TENM3: variants seen among roughly 807,000 people sequenced by gnomAD.
The protein encoded by TENM3 is teneurin transmembrane protein 3.
Under a neutral mutation model 255.1 loss-of-function variants are expected in TENM3, and 63 were observed. The observed-to-expected ratio is 0.25, with a 90% CI of 0.20 to 0.30. TENM3 has a LOEUF of 0.30. Ranked by LOEUF, TENM3 falls within the 10% of genes least tolerant of loss-of-function variation. The pLI is 1.00. For missense variants in TENM3, 2,929 were observed against 3,461.1 expected, an observed-to-expected ratio of 0.85 and a Z score of 3.86; for synonymous variants, 1,306 against 1,322.3, an observed-to-expected ratio of 0.99 and a Z score of 0.27.
chr4:182,380,812 C>T (rs149007306), intron 3 of TENM3, among the ~76,000 whole-genome samples: 516 of 152,302 alleles, frequency 3.4e-3, no homozygotes, highest in Middle Eastern at 0.017. Context: ...TTACCAGTGA[C>T]GCAACCAAGG....
intron 12 of TENM3, chr4:182,707,828 C>T (rs929530641): frequency 2.0e-5 from 3 of 152,102 alleles, no homozygotes; most frequent in Admixed American, 2.0e-4. Context: ...CAAGAATTAG[C>T]CTTGGCATTT....
chr4:181,652,142 T>TAAA, the TENM3 span, among the ~76,000 whole-genome samples: 20,907 of 114,196 alleles, frequency 0.18, 1,858 homozygotes, highest in East Asian at 0.29. Context: ...CACTTTGGGG[T>TAAA]AAAAAAAAAA....
At chr4:181,751,245 G>A in the TENM3 span, among the ~76,000 whole-genome samples, 2 of 152,042 alleles carry the variant, frequency 1.3e-5, no homozygotes, top group African/African-American at 4.8e-5. Context: ...TTTAGGGACT[G>A]GAAAATGGAG....
chr4:182,013,264 T>C, the TENM3 span, among the ~76,000 whole-genome samples: 1 of 152,206 alleles, frequency 6.6e-6, no homozygotes, highest in South Asian at 2.1e-4. Flanking sequence ...TGTGTAAGGA[T>C]TAAATTTATG....
chr4:181,605,567 A>G, the TENM3 span, among the ~76,000 whole-genome samples: 36 of 31,860 alleles, frequency 1.1e-3, 2 homozygotes, highest in African/African-American at 2.1e-3. Flanking sequence ...AGAAAGAAAG[A>G]AAGAGAGAGA....
At chr4:182,033,832 G>A in the TENM3 span, among the ~76,000 whole-genome samples, 176 of 152,178 alleles carry the variant, frequency 1.2e-3, 1 homozygote, top group Middle Eastern at 0.014. Flanking sequence ...TTTAAAGTCC[G>A]TTTTGCCAAA....
At chr4:182,638,501 G>A (rs914787361) in intron 5 of TENM3, among the ~76,000 whole-genome samples, 3 of 152,088 alleles carry the variant, frequency 2.0e-5, no homozygotes, top group Non-Finnish European at 4.4e-5. Context: ...CCCCCATTGT[G>A]CATCTTCCCA....
chr4:181,895,012 C>T, the TENM3 span, among the ~76,000 whole-genome samples: 1 of 151,980 alleles, frequency 6.6e-6, no homozygotes, highest in African/African-American at 2.4e-5. Flanking sequence ...TTTAGAAAGT[C>T]AATCCGCCAT....
At chr4:182,334,753 T>C (rs957525175) in intron 2 of TENM3, among the ~76,000 whole-genome samples, 1 of 152,110 alleles carries the variant, frequency 6.6e-6, no homozygotes, top group Non-Finnish European at 1.5e-5. Flanking sequence ...TGGAAGAATA[T>C]AAAATTGGAC....
chr4:182,040,961 A>G, the TENM3 span, among the ~76,000 whole-genome samples: 3 of 152,212 alleles, frequency 2.0e-5, no homozygotes, highest in Non-Finnish European at 2.9e-5. Context: ...TGAGAAACTC[A>G]AGGCATTGAT....
intron 24 of TENM3, among the ~76,000 whole-genome samples, chr4:182,779,123 T>C (rs1764949956): frequency 6.6e-6 from 1 of 151,220 alleles, no homozygotes; most frequent in South Asian, 2.1e-4. Context: ...TAGTTACATA[T>C]GTATACATGT....
intron 5 of TENM3, among the ~76,000 whole-genome samples, chr4:182,630,936 C>G (rs1317493486): frequency 6.6e-6 from 1 of 152,000 alleles, no homozygotes; most frequent in Non-Finnish European, 1.5e-5. Flanking sequence ...ATTTTATTTT[C>G]ATGGTGTGAC....
chr4:181,977,053 G>A, the TENM3 span, among the ~76,000 whole-genome samples: 89 of 152,222 alleles, frequency 5.8e-4, no homozygotes, highest in African/African-American at 2.1e-3. Flanking sequence ...CTCGAGCTAA[G>A]AGACAGCGTG....
At chr4:182,410,117 G>A (rs749251620) in intron 3 of TENM3, among the ~76,000 whole-genome samples, 1 of 152,198 alleles carries the variant, frequency 6.6e-6, no homozygotes, top group Non-Finnish European at 1.5e-5. Context: ...ATGGGCCACT[G>A]CACTCAGCCC....
chr4:182,659,734 C>A (rs749063778), intron 6 of TENM3, among the ~76,000 whole-genome samples: 2 of 152,178 alleles, frequency 1.3e-5, no homozygotes, highest in African/African-American at 2.4e-5. Context: ...TCTTGCTCAT[C>A]CACTCTTCAC....
chr4:181,649,943 G>A, the TENM3 span, among the ~76,000 whole-genome samples: 2 of 152,176 alleles, frequency 1.3e-5, no homozygotes, highest in Non-Finnish European at 2.9e-5. Context: ...AGCTGAAATT[G>A]ATGGAGTTCT....
chr4:182,563,404 A>C (rs1743424473), intron 3 of TENM3, among the ~76,000 whole-genome samples: 1 of 152,180 alleles, frequency 6.6e-6, no homozygotes, highest in Non-Finnish European at 1.5e-5. Flanking sequence ...ACGGCACTCC[A>C]GCCTGGGTGA....
At chr4:182,223,431 A>T (rs1755960412) in intron 1 of TENM3, among the ~76,000 whole-genome samples, 1 of 152,172 alleles carries the variant, frequency 6.6e-6, no homozygotes, top group Non-Finnish European at 1.5e-5. Context: ...GCTAAAAGTG[A>T]CAAGAACCAT....
chr4:182,067,674 ACT>A, the TENM3 span, among the ~76,000 whole-genome samples: 1 of 151,930 alleles, frequency 6.6e-6, no homozygotes, highest in South Asian at 2.1e-4. Flanking sequence ...GATGGAGCTG[ACT>A]CTCTCTTGCT....
Sources: gnomAD v4.1 joint callset for allele counts (sites outside exome capture counted in the v4.1 genomes callset) on GRCh38, gnomAD v4.1.1 for gene constraint, MANE v1.5 for transcripts, NCBI Gene and HGNC (gene_info 2026-07-23, HGNC 2026-07-21) for gene names.